Variants in SLC35F3 observed in about 807,000 individuals in gnomAD.
SLC35F3 encodes the protein solute carrier family 35 member F3.
SLC35F3 carries 25 observed loss-of-function variants against 49.9 expected under a neutral mutation model. That is an observed-to-expected ratio of 0.50 (90% CI 0.37 to 0.70). The LOEUF is 0.70. Ranked by LOEUF, SLC35F3 falls within the 30% of genes least tolerant of loss-of-function variation. The pLI, the probability that SLC35F3 is intolerant of heterozygous loss-of-function variation, is 0.00. For missense variants in SLC35F3, 525 were observed against 639.8 expected, an observed-to-expected ratio of 0.82 and a Z score of 1.94; for synonymous variants, 275 against 265.4, an observed-to-expected ratio of 1.04 and a Z score of -0.35.
intron 3 of SLC35F3, among the ~76,000 whole-genome samples, chr1:234,237,121 C>G (rs1275871595): frequency 6.6e-6 from 1 of 151,338 alleles, no homozygotes; most frequent in African/African-American, 2.4e-5. Context: ...ATTCTCCAGG[C>G]AAGTGGAGCC....
intron 2 of SLC35F3, among the ~76,000 whole-genome samples, chr1:233,944,295 G>A (rs1316856508): frequency 6.6e-6 from 1 of 152,116 alleles, no homozygotes; most frequent in Non-Finnish European, 1.5e-5. Context: ...TAGCTGTAAT[G>A]TTTTAAAGCC....
chr1:234,000,333 A>G (rs943008541), intron 2 of SLC35F3, among the ~76,000 whole-genome samples: 2 of 152,192 alleles, frequency 1.3e-5, no homozygotes, highest in African/African-American at 4.8e-5. Context: ...TTTTGCTTTC[A>G]ATATAGGTTT....
At chr1:234,029,908 G>T (rs972705258) in intron 2 of SLC35F3, among the ~76,000 whole-genome samples, 1 of 152,276 alleles carries the variant, frequency 6.6e-6, no homozygotes, top group South Asian at 2.1e-4. Flanking sequence ...ATTTGATTCT[G>T]TACAGAATTT....
At chr1:234,156,919 G>C (rs1666162367) in intron 2 of SLC35F3, among the ~76,000 whole-genome samples, 1 of 152,164 alleles carries the variant, frequency 6.6e-6, no homozygotes, top group Non-Finnish European at 1.5e-5. Context: ...GGTAAGCGCA[G>C]AGAGACAGCA....
chr1:234,309,201 T>C lies in SLC35F3; in HGVS notation c.709T>C (p.Tyr237His). ...TCTTTGGACACTCACAAACTACCTG[T>C]ACTTACATGCAATAAAGAAAATAAA... Reference protein sequence around the residue: ...GVLWTLTNYLYLHAIKKINTT... With the variant: ...GVLWTLTNYLHLHAIKKINTT... Residue 237 changes from tyrosine to histidine, a missense_variant, in exon 4 of 8, where the codon TAC becomes CAC. Tyr to His is a moderately conservative substitution (Grantham distance 83, BLOSUM62 2). Around this residue, in one of 4 missense-constraint regions of SLC35F3, gnomAD observed 216 missense variants for 298.1 expected, o/e 0.72. Coordinates refer to ENST00000366618, the MANE Select transcript of SLC35F3 (RefSeq NM_173508.4). 1 of 1,614,234 alleles carries C rather than the reference T, an allele frequency of 6.2e-7. No individual in the cohort carries two copies.
At chr1:234,084,220 GACAC>G (rs34569981) in intron 2 of SLC35F3, among the ~76,000 whole-genome samples, 2,837 of 148,276 alleles carry the variant, frequency 0.019, 60 homozygotes, top group African/African-American at 0.055. Flanking sequence ...ATAAGGAATA[GACAC>G]ACACACACAC....
At chr1:234,195,850 A>G (rs1198158878) in intron 2 of SLC35F3, among the ~76,000 whole-genome samples, 2 of 152,078 alleles carry the variant, frequency 1.3e-5, no homozygotes, top group African/African-American at 4.8e-5. Flanking sequence ...ACAAGATCTG[A>G]TGGTTTTATA....
intron 6 of SLC35F3, among the ~76,000 whole-genome samples, chr1:234,319,166 T>C (rs1411536629): frequency 6.6e-6 from 1 of 152,190 alleles, no homozygotes; most frequent in Non-Finnish European, 1.5e-5. Context: ...TCACTGCTGC[T>C]CTGAATAATG....
At chr1:234,045,772 G>A (rs974733871) in intron 2 of SLC35F3, among the ~76,000 whole-genome samples, 1 of 151,558 alleles carries the variant, frequency 6.6e-6, no homozygotes, top group Non-Finnish European at 1.5e-5. Flanking sequence ...TCATCCTCAG[G>A]GGGAATTACT....
intron 2 of SLC35F3, among the ~76,000 whole-genome samples, chr1:234,062,826 G>A (rs890946647): frequency 2.0e-5 from 3 of 148,924 alleles, no homozygotes; most frequent in African/African-American, 7.5e-5. Context: ...GACTACAGGT[G>A]CCCACCACGC....
At chr1:233,916,141 A>G (rs1381719176) in intron 2 of SLC35F3, among the ~76,000 whole-genome samples, 5 of 152,264 alleles carry the variant, frequency 3.3e-5, no homozygotes. Flanking sequence ...GATAAAATAT[A>G]GTTTGAAGAC....
intron 2 of SLC35F3, among the ~76,000 whole-genome samples, chr1:234,137,540 C>T (rs1054511199): frequency 4.6e-5 from 7 of 152,122 alleles, no homozygotes; most frequent in Admixed American, 1.3e-4. Context: ...GCTCATGGAA[C>T]GCCTCCTCAA....
At chr1:233,934,756 A>G (rs749720324) in intron 2 of SLC35F3, among the ~76,000 whole-genome samples, 8 of 141,086 alleles carry the variant, frequency 5.7e-5, no homozygotes, top group African/African-American at 2.0e-4. Context: ...TAAAATAATC[A>G]AAAAAGCCAC....
At chr1:234,277,907 A>G (rs1668238177) in intron 3 of SLC35F3, among the ~76,000 whole-genome samples, 1 of 152,242 alleles carries the variant, frequency 6.6e-6, no homozygotes, top group African/African-American at 2.4e-5. Flanking sequence ...AAGAAAGACT[A>G]AAACAGCTGG....
intron 2 of SLC35F3, among the ~76,000 whole-genome samples, chr1:234,201,910 CTCA>C (rs1666905337): frequency 1.1e-4 from 8 of 70,688 alleles, no homozygotes; most frequent in African/African-American, 4.0e-4. Context: ...TAGACTTCTT[CTCA>C]AAAAAAAAAA....
intron 2 of SLC35F3, among the ~76,000 whole-genome samples, chr1:234,106,217 G>GTC (rs1474963867): frequency 6.6e-6 from 1 of 152,242 alleles, no homozygotes; most frequent in Admixed American, 6.5e-5. Context: ...CCAGCTATTG[G>GTC]TCTAGAGTGG....
chr1:234,188,043 C>T (rs935794641), intron 2 of SLC35F3, among the ~76,000 whole-genome samples: 5 of 152,118 alleles, frequency 3.3e-5, no homozygotes, highest in African/African-American at 1.2e-4. Flanking sequence ...CGAGACCATC[C>T]TGGCTAACAC....
At chr1:234,028,212 T>C (rs1479423218) in intron 2 of SLC35F3, among the ~76,000 whole-genome samples, 1 of 152,194 alleles carries the variant, frequency 6.6e-6, no homozygotes, top group African/African-American at 2.4e-5. Flanking sequence ...CCACCTCTGT[T>C]TGCACTGGCT....
At chr1:234,059,627 CATAGACAT>C (rs1426397025) in intron 2 of SLC35F3, among the ~76,000 whole-genome samples, 1 of 30,744 alleles carries the variant, frequency 3.3e-5, no homozygotes, top group Non-Finnish European at 2.0e-4. Flanking sequence ...TAGACATAGA[CATAGACAT>C]AGACATAGAC....
Sources: gnomAD v4.1 joint callset for allele counts (sites outside exome capture counted in the v4.1 genomes callset) on GRCh38, gnomAD v4.1.1 for gene constraint, gnomAD v4.1.1 regional missense constraint, MANE v1.5 for transcripts, NCBI Gene and HGNC (gene_info 2026-07-23, HGNC 2026-07-21) for gene names.